The following ITGAV variants were observed in gnomAD, a reference collection of about 807,000 sequenced individuals.
The protein encoded by ITGAV is integrin subunit alpha V.
A neutral mutation model predicts 143.8 loss-of-function variants in ITGAV; 76 were observed. That is an observed-to-expected ratio of 0.53 (90% CI 0.44 to 0.64). ITGAV has a LOEUF of 0.64. Among genes scored for constraint, ITGAV ranks in the 30% least tolerant of loss-of-function variants. The pLI is 0.00. For missense variants in ITGAV, 1,193 were observed against 1,274.7 expected, an observed-to-expected ratio of 0.94 and a Z score of 0.98; for synonymous variants, 453 against 446.7, an observed-to-expected ratio of 1.01 and a Z score of -0.18.
At chr2:186,628,479 A>G (rs936822730) in intron 4 of ITGAV, among the ~76,000 whole-genome samples, 1 of 152,090 alleles carries the variant, frequency 6.6e-6, no homozygotes, top group African/African-American at 2.4e-5. Context: ...AAAACCTCAG[A>G]CCTTAGGAGA....
At chr2:186,601,641 G>GCA (rs373696287) in intron 1 of ITGAV, among the ~76,000 whole-genome samples, 14 of 149,800 alleles carry the variant, frequency 9.3e-5, no homozygotes, top group East Asian at 3.9e-4. Flanking sequence ...ACACGCACAT[G>GCA]CACACACACA....
At chr2:186,597,957 A>C (rs1686790536) in intron 1 of ITGAV, among the ~76,000 whole-genome samples, 1 of 152,126 alleles carries the variant, frequency 6.6e-6, no homozygotes, top group African/African-American at 2.4e-5. Context: ...TTTGAAGACA[A>C]CCCAGAAGTG....
chr2:186,641,618 C>T, intron 12 of ITGAV, 30 bp downstream of exon 12: 1 of 1,581,220 alleles, frequency 6.3e-7, no homozygotes, highest in Non-Finnish European at 8.7e-7. Flanking sequence ...GCTACAGGTC[C>T]CTGATTATCT....
chr2:186,651,564 C>A (rs2105726139), intron 14 of ITGAV, among the ~76,000 whole-genome samples: 1 of 152,012 alleles, frequency 6.6e-6, no homozygotes, highest in Middle Eastern at 3.4e-3. Context: ...AGTAGACATT[C>A]TTTGTACTTT....
intron 18 of ITGAV, among the ~76,000 whole-genome samples, chr2:186,661,973 G>A (rs1262241355): frequency 6.6e-6 from 1 of 152,124 alleles, no homozygotes; most frequent in Admixed American, 6.5e-5. Context: ...GAGCATGGAA[G>A]ACATTGCTTT....
At chr2:186,603,927 T>C (rs1280503597) in intron 2 of ITGAV, among the ~76,000 whole-genome samples, 2 of 151,822 alleles carry the variant, frequency 1.3e-5, no homozygotes, top group African/African-American at 2.4e-5. Flanking sequence ...TGCAGTGATG[T>C]GATCATGGCT....
chr2:186,646,938 A>G (rs1688280173), intron 13 of ITGAV, 61 bp downstream of exon 13: 7 of 1,072,494 alleles, frequency 6.5e-6, no homozygotes, highest in Non-Finnish European at 9.2e-6. Context: ...AAATAGTATT[A>G]GTTACTGTTC....
Position 186,616,800 on chromosome 2 carries a change from T to C in ITGAV, c.317-5539T>C, listed in dbSNP as rs923302459. 2.0e-5 allele frequency among the ~76,000 whole-genome samples: 3 copies of C among 152,252 alleles called. No homozygotes were observed. The South Asian group carries it at 6.2e-4, about 32-fold the overall frequency. On this transcript the variant is annotated intron_variant, in intron 2 of 29. Transcript: ENST00000261023. ...ATATAGACATAGGAGGTACCCATGA[T>C]TTATGATTTATTTAAATAAATTAAT...
intron 2 of ITGAV, among the ~76,000 whole-genome samples, chr2:186,616,482 G>T (rs2105677197): frequency 6.6e-6 from 1 of 151,756 alleles, no homozygotes; most frequent in Admixed American, 6.6e-5. Context: ...GTTTCACCGT[G>T]TTAGCCAGGA....
intron 14 of ITGAV, among the ~76,000 whole-genome samples, chr2:186,650,766 T>A (rs374926419): frequency 2.6e-5 from 4 of 152,074 alleles, no homozygotes; most frequent in South Asian, 4.2e-4. Flanking sequence ...TCTGGGCTGG[T>A]CTTGAGCTCC....
rs61763610 is a variant in ITGAV at position 186,591,947 on chromosome 2, C to G, written c.185+1424C>G. 2.9e-3 allele frequency among the ~76,000 whole-genome samples: 438 copies of G among 152,214 alleles called. 1 individual carries two copies. The highest frequency in any genetic ancestry group is 0.01 in the African/African-American group (424 of 41,544). ...ATTTAGTCATTTTAGTCAGCATTAT[C>G]TTTTTATTTATTGTTTTTAACCACA... On this transcript the variant is annotated intron_variant, in intron 1 of 29. Transcript: ENST00000261023.
intron 12 of ITGAV, among the ~76,000 whole-genome samples, chr2:186,643,284 A>G (rs1688159166): frequency 6.6e-6 from 1 of 152,210 alleles, no homozygotes; most frequent in African/African-American, 2.4e-5. Flanking sequence ...AGCTTTAAAA[A>G]ATGTGAAGTT....
In ITGAV at chr2:186,669,710, T is replaced by C. The variant is rs1559068879; in HGVS notation, c.2602T>C (p.Leu868=). 19 of 1,612,336 alleles carry C rather than the reference T, an allele frequency of 1.2e-5. No homozygotes were observed. The highest frequency in any genetic ancestry group is 1.6e-5 in the Non-Finnish European group (19 of 1,178,868). ...INPLRIKISS[L]QTTEKNDTVA... ...AATGTGATTGCATTAGATCTCATCT[T>C]TGCAAACAACTGAAAAGAATGACAC... Residue 868 remains leucine, a synonymous_variant, in exon 26 of 30, where the codon TTG becomes CTG. Coordinates refer to ENST00000261023, the MANE Select transcript of ITGAV (RefSeq NM_002210.5).
chr2:186,609,309 A>G (rs913978157), intron 2 of ITGAV, among the ~76,000 whole-genome samples: 2 of 152,234 alleles, frequency 1.3e-5, no homozygotes, highest in African/African-American at 4.8e-5. Flanking sequence ...ATTTATTAAA[A>G]GGCCATGTAA....
chr2:186,596,700 G>A (rs555104748), intron 1 of ITGAV, among the ~76,000 whole-genome samples: 16 of 152,096 alleles, frequency 1.1e-4, no homozygotes, highest in African/African-American at 3.9e-4. Context: ...TGCCTGGCCT[G>A]TGTTGCTTTT....
At chr2:186,611,312 T>C (rs1318323589) in intron 2 of ITGAV, among the ~76,000 whole-genome samples, 1 of 152,206 alleles carries the variant, frequency 6.6e-6, no homozygotes, top group Non-Finnish European at 1.5e-5. Context: ...TTTCTGGGAA[T>C]TAGAAGTTGA....
intron 26 of ITGAV, among the ~76,000 whole-genome samples, chr2:186,670,595 C>G (rs146632697): frequency 8.9e-4 from 136 of 152,266 alleles, no homozygotes; most frequent in African/African-American, 3.1e-3. Flanking sequence ...ACCACCATGC[C>G]CAGCACTGTT....
At position 186,649,887 on chromosome 2, in the gene ITGAV, TGA is replaced by T; in HGVS notation, c.1397+4_1397+5del. On this transcript the variant is annotated splice_donor_region_variant and intron_variant, in intron 14 of 29. Coordinates refer to ENST00000261023, the MANE Select transcript of ITGAV (RefSeq NM_002210.5). ...TGTAGATCGAGCTATCTTATACAGG[TGA>T]GCATTTTCTGTATCCTGCGGTATAG... 7.0e-7 allele frequency: 1 copy of T among 1,432,134 alleles called. No homozygotes were observed. The highest frequency in any genetic ancestry group is 2.6e-5 in the East Asian group (1 of 38,844). The allele number at this position is 1,432,134 out of a possible 1,614,324, so 88.7% of individuals were successfully genotyped here.
At chr2:186,651,835 ATGT>A in intron 14 of ITGAV, 144 bp from the exon 15 acceptor site, 1 of 559,126 alleles carries the variant, frequency 1.8e-6, no homozygotes, top group African/African-American at 1.9e-5. Context: ...ACCTACGGTT[ATGT>A]TGTTCCTGTT....
Sources: allele counts gnomAD v4.1 joint callset (sites outside exome capture counted in the v4.1 genomes callset), GRCh38; gene constraint gnomAD v4.1.1; transcripts MANE v1.5; gene names NCBI Gene and HGNC (gene_info 2026-07-23, HGNC 2026-07-21).